CLASRP: variants seen among roughly 807,000 people sequenced by gnomAD.
The protein encoded by CLASRP is CLK4 associating serine/arginine rich protein, also known as CLK4-associating serine/arginine rich protein.
CLASRP carries 52 observed loss-of-function variants against 99.9 expected under a neutral mutation model. The observed-to-expected ratio is 0.52, with a 90% CI of 0.42 to 0.66. The LOEUF (loss-of-function observed/expected upper bound fraction) is 0.66. CLASRP is among the 30% of genes least tolerant of loss of function. The pLI is 0.00. For missense variants in CLASRP, 848 were observed against 999.2 expected (o/e 0.85, Z 2.04); for synonymous variants, 379 against 373.0 (o/e 1.02, Z -0.18).
At chr19:45,065,388 CAAAAAAAAA>C (rs761472417) in intron 13 of CLASRP, among the ~76,000 whole-genome samples, 5 of 84,978 alleles carry the variant, frequency 5.9e-5, no homozygotes, top group African/African-American at 2.0e-4. Flanking sequence ...GATTCCGTCT[CAAAAAAAAA>C]AAAAAAAAAA....
intron 12 of CLASRP, 55 bp downstream of exon 12, chr19:45,064,282 G>A: frequency 2.0e-6 from 3 of 1,514,554 alleles, no homozygotes; most frequent in South Asian, 1.3e-5. Flanking sequence ...GGGGGTACCC[G>A]GGGCAGAGGG....
At position 45,064,230 on chromosome 19, in the gene CLASRP, C is replaced by T. The variant is rs769090123; in HGVS notation, c.1121+3C>T. ...CCGGGACGTAATGCCAGCGCCCGGT[C>T]GGTAACGCTCACGCCGCCCGCCCTA... On this transcript the variant is annotated splice_donor_region_variant and intron_variant, in intron 12 of 20. Transcript: ENST00000221455. The T allele has an allele frequency of 2.5e-6, 4 of 1,583,796 alleles. No homozygotes were observed. Among genetic ancestry groups the T allele is most frequent in the South Asian group, 1.1e-5 (1 of 88,578 alleles).
intron 11 of CLASRP, among the ~76,000 whole-genome samples, chr19:45,063,695 C>T (rs112447833): frequency 0.012 from 1,840 of 152,148 alleles, 49 homozygotes; most frequent in African/African-American, 0.041. Context: ...AGTGATCGGC[C>T]TGCCTCGGCC....
chr19:45,069,046 C>T lies in CLASRP; in HGVS notation c.1769-20C>T. The T allele has an allele frequency of 1.2e-6, 2 of 1,613,010 alleles. No homozygotes were observed. Among genetic ancestry groups the T allele is most frequent in the East Asian group, 4.5e-5 (2 of 44,866 alleles). Reference sequence around the variant, plus strand: ...GCTCTTAAGGGAACCCCTCAGCCACCCTGTTCTTTCTCTCTACAGTCAAGG... The same window carrying T: ...GCTCTTAAGGGAACCCCTCAGCCACTCTGTTCTTTCTCTCTACAGTCAAGG... On this transcript the variant is annotated intron_variant, in intron 16 of 20. Coordinates refer to ENST00000221455, the MANE Select transcript of CLASRP (RefSeq NM_007056.3).
At chr19:45,057,626 G>C (rs1972144057) in intron 6 of CLASRP, 124 bp from the exon 7 acceptor site, 1 of 1,078,034 alleles carries the variant, frequency 9.3e-7, no homozygotes, top group Admixed American at 2.2e-5. Flanking sequence ...AGGAGCAGAG[G>C]GTCCTAGGCT....
chr19:45,053,084 G>C lies in CLASRP; in HGVS notation c.300-14G>C. 6.2e-7 allele frequency: 1 copy of C among 1,613,712 alleles called. No individual in the cohort carries two copies. Among genetic ancestry groups the C allele is most frequent in the Non-Finnish European group, 8.5e-7 (1 of 1,179,892 alleles). ...TCCTTCTCTCTGATTTCAAGGTCTC[G>C]CCCTTCCCTAAAGCTCCCCAGAACA... On this transcript the variant is annotated splice_polypyrimidine_tract_variant and intron_variant, in intron 4 of 20. Transcript: ENST00000221455.
rs962680458 is a variant in CLASRP, at chr19:45,052,301, C to A, written c.197+133C>A. The A allele has an allele frequency of 3.8e-5, 27 of 705,676 alleles. No individual in the cohort carries two copies. In the Middle Eastern group the frequency reaches 9.8e-4, roughly 25 times the overall value. The allele number at this position is 705,676 out of a possible 1,614,324, so 43.7% of individuals were successfully genotyped here. ...GGACTCAGAGGCAGGGAAGGTGTGA[C>A]CCGCATATGAAGGTGATAGTCACAG... On this transcript the variant is annotated intron_variant, in intron 3 of 20. Transcript: ENST00000221455.
intron 3 of CLASRP, 87 bp downstream of exon 3, chr19:45,052,255 G>A: frequency 1.8e-6 from 2 of 1,133,726 alleles, no homozygotes; most frequent in Non-Finnish European, 2.6e-6. Flanking sequence ...AGCAGAGACT[G>A]AAGTATGGAC....
chr19:45,059,360 G>A lies in CLASRP; in HGVS notation c.706G>A (p.Val236Ile), dbSNP rs368668967. The A allele has an allele frequency of 1.8e-5, 28 of 1,584,566 alleles. No individual in the cohort carries two copies. Among genetic ancestry groups the A allele is most frequent in the African/African-American group, 1.5e-4 (11 of 74,510 alleles). The change falls in exon 8 of 21, where the codon GTC becomes ATC. Residue 236 changes from valine (V) to isoleucine (I), a missense_variant. Around this residue, in one of 8 missense-constraint regions of CLASRP, gnomAD observed 119 missense variants for 170.2 expected, o/e 0.70. Transcript: ENST00000221455. ...TTYGMADGDF[V>I]RMLRKDKEEA... Reference sequence around the variant, plus strand: ...TTATGGCATGGCCGACGGTGACTTCGTCAGGTGAGGCCTGCCTGCTGACAC... The same window carrying A: ...TTATGGCATGGCCGACGGTGACTTCATCAGGTGAGGCCTGCCTGCTGACAC...
chr19:45,052,547 C>G (rs1202617332), intron 3 of CLASRP, among the ~76,000 whole-genome samples: 2 of 152,138 alleles, frequency 1.3e-5, no homozygotes, highest in African/African-American at 4.8e-5. Flanking sequence ...AAATGGGGCC[C>G]TGGTGTCCCC....
chr19:45,065,045 G>A (rs930892423), intron 13 of CLASRP, among the ~76,000 whole-genome samples: 16 of 152,140 alleles, frequency 1.1e-4, no homozygotes, highest in African/African-American at 3.9e-4. Context: ...GGGGAGGGGC[G>A]CGTTCCTGTG....
At position 45,057,843 on chromosome 19, in the gene CLASRP, G is replaced by A. The variant is rs1229473913; in HGVS notation, c.558G>A (p.Glu186=). The A allele has an allele frequency of 6.2e-7, 1 of 1,613,940 alleles. No individual in the cohort carries two copies. The highest frequency in any genetic ancestry group is 1.3e-5 in the African/African-American group (1 of 74,908). ...CGGCAGAAAAGCCAGAGGAGGAGGA[G>A]TCAGCGGCCGAGGAGGAGAGCAACT... ...EKAAEKPEEE[E]SAAEEESNSD... is the part of the protein sequence containing the mutation. Residue 186 remains glutamate (E), a synonymous_variant, in exon 7 of 21, where the codon GAG becomes GAA. Transcript: ENST00000221455.
chr19:45,051,329 T>G (rs1972019128), intron 2 of CLASRP, among the ~76,000 whole-genome samples: 1 of 152,016 alleles, frequency 6.6e-6, no homozygotes, highest in Non-Finnish European at 1.5e-5. Flanking sequence ...TTTTTCTCTT[T>G]TTGAGATGGA....
At chr19:45,053,216 A>G in intron 5 of CLASRP, 39 bp downstream of exon 5, 2 of 1,597,940 alleles carry the variant, frequency 1.3e-6, no homozygotes, top group East Asian at 2.2e-5. Flanking sequence ...GTGGGGTTTG[A>G]GCCTGGAGCC....
chr19:45,064,782 A>G, intron 13 of CLASRP, 152 bp downstream of exon 13: 3 of 1,404,846 alleles, frequency 2.1e-6, no homozygotes, highest in Non-Finnish European at 2.8e-6. Context: ...CTTCCGCAGG[A>G]AGCCCTTGGT....
intron 2 of CLASRP, among the ~76,000 whole-genome samples, chr19:45,051,765 G>A (rs941247176): frequency 3.9e-5 from 6 of 151,996 alleles, no homozygotes; most frequent in Non-Finnish European, 5.9e-5. Flanking sequence ...TAAGGAGATC[G>A]AGACCATCCT....
At chr19:45,068,860 G>A (rs1022653323) in intron 16 of CLASRP, among the ~76,000 whole-genome samples, 8 of 152,120 alleles carry the variant, frequency 5.3e-5, no homozygotes, top group Non-Finnish European at 8.8e-5. Flanking sequence ...GCATGTTGGT[G>A]GGCGCCTGTA....
chr19:45,064,047 G>A lies in CLASRP; in HGVS notation c.941G>A (p.Arg314His), dbSNP rs542597571. The A allele has an allele frequency of 3.1e-6, 5 of 1,612,586 alleles. No homozygotes were observed. The highest frequency in any genetic ancestry group is 3.3e-4 in the Middle Eastern group (2 of 6,050). ...PSESSSESRS[R>H]SRSPTPGREE... is the part of the protein sequence containing the mutation. ...GAGTCCAGCTCAGAGTCCCGCTCCCGCTCCCGCTCCCCGACCCCGGGCCGC... is the reference window on the plus strand; with the variant it reads ...GAGTCCAGCTCAGAGTCCCGCTCCCACTCCCGCTCCCCGACCCCGGGCCGC... The change falls in exon 12 of 21, where the codon CGC becomes CAC. Residue 314 changes from arginine (R) to histidine (H), a missense_variant. Physicochemically the swap from Arg to His is conservative, Grantham distance 29. Transcript: ENST00000221455.
intron 5 of CLASRP, among the ~76,000 whole-genome samples, chr19:45,054,721 TG>T (rs1972090359): frequency 6.6e-6 from 1 of 152,178 alleles, no homozygotes. Context: ...AAGGGAAGGA[TG>T]GAGTTCTCTG....
Sources: gnomAD v4.1 joint callset for allele counts (sites outside exome capture counted in the v4.1 genomes callset) on GRCh38, gnomAD v4.1.1 for gene constraint, gnomAD v4.1.1 regional missense constraint, MANE v1.5 for transcripts, NCBI Gene and HGNC (gene_info 2026-07-23, HGNC 2026-07-21) for gene names.